Variants in NEBL observed in about 807,000 individuals in gnomAD.
The protein encoded by NEBL is nebulette.
Under a neutral mutation model 140.2 loss-of-function variants are expected in NEBL, and 122 were observed. That is an observed-to-expected ratio of 0.87 (90% CI 0.75 to 1.01). The LOEUF (loss-of-function observed/expected upper bound fraction) is 1.01, where lower values mean the gene tolerates loss of function less well. Ranked by LOEUF, NEBL falls within the 50% of genes least tolerant of loss-of-function variation. NEBL has a pLI of 0.00. For missense variants in NEBL, 1,365 were observed against 1,231.3 expected (o/e 1.11, Z -1.62); for synonymous variants, 436 against 398.9 (o/e 1.09, Z -1.11).
chr10:20,818,825 A>C, intron 20 of NEBL: 2 of 989,086 alleles, frequency 2.0e-6, no homozygotes, highest in Non-Finnish European at 2.4e-6. Context: ...CTGGACACGC[A>C]GTTCATGCCC....
chr10:21,271,500 AACT>A (rs1408027358), intron 1 of NEBL, among the ~76,000 whole-genome samples: 5 of 152,140 alleles, frequency 3.3e-5, no homozygotes, highest in African/African-American at 1.2e-4. Context: ...GTATACTTGA[AACT>A]ACTAAGAGAA....
At chr10:20,915,244 T>A (rs1244345176) in intron 4 of NEBL, among the ~76,000 whole-genome samples, 1 of 152,122 alleles carries the variant, frequency 6.6e-6, no homozygotes, top group Non-Finnish European at 1.5e-5. Flanking sequence ...AACCAGGCTT[T>A]GAAATTTTTT....
chr10:20,904,125 A>G (rs1847991315), intron 4 of NEBL, among the ~76,000 whole-genome samples: 1 of 152,172 alleles, frequency 6.6e-6, no homozygotes, highest in Non-Finnish European at 1.5e-5. Flanking sequence ...TCTCTCTCAA[A>G]GTATCTTCTG....
intron 11 of NEBL, among the ~76,000 whole-genome samples, chr10:20,848,816 C>T (rs536790568): frequency 7.9e-5 from 12 of 152,120 alleles, no homozygotes; most frequent in East Asian, 7.7e-4. Flanking sequence ...GAATAAGACA[C>T]AAAAAATACA....
At chr10:20,811,192 C>T (rs1414490337) in intron 24 of NEBL, among the ~76,000 whole-genome samples, 1 of 152,178 alleles carries the variant, frequency 6.6e-6, no homozygotes, top group African/African-American at 2.4e-5. Context: ...AAGTAAATAA[C>T]TTAGAGTCAT....
intron 2 of NEBL, among the ~76,000 whole-genome samples, chr10:21,053,448 T>A (rs1834868047): frequency 6.6e-6 from 1 of 152,222 alleles, no homozygotes; most frequent in South Asian, 2.1e-4. Flanking sequence ...TTCTGAAGGA[T>A]GGGAATTTCA....
At chr10:20,953,338 G>A (rs983753243) in intron 4 of NEBL, among the ~76,000 whole-genome samples, 1 of 152,102 alleles carries the variant, frequency 6.6e-6, no homozygotes, top group Non-Finnish European at 1.5e-5. Context: ...TGAGGACACT[G>A]CAAGAAGGCA....
chr10:21,061,447 G>T (rs183515191), intron 2 of NEBL, among the ~76,000 whole-genome samples: 2 of 145,924 alleles, frequency 1.4e-5, no homozygotes, highest in Non-Finnish European at 3.0e-5. Flanking sequence ...GATATATATC[G>T]TATATTACAT....
chr10:21,184,599 C>CCTGCTG (rs199729824), intron 3 of NEBL, among the ~76,000 whole-genome samples: 3 of 151,984 alleles, frequency 2.0e-5, no homozygotes, highest in Admixed American at 6.6e-5. Flanking sequence ...AACCTGATCC[C>CCTGCTG]CTGCTGCTGC....
intron 2 of NEBL, among the ~76,000 whole-genome samples, chr10:21,112,004 G>A (rs1185939515): frequency 2.0e-5 from 3 of 152,186 alleles, no homozygotes; most frequent in African/African-American, 7.2e-5. Flanking sequence ...CATCATCACT[G>A]GTGATCAGAG....
At chr10:20,814,639 C>CACACACACACACAA (rs905894451) in intron 22 of NEBL, among the ~76,000 whole-genome samples, 6 of 151,598 alleles carry the variant, frequency 4.0e-5, no homozygotes, top group African/African-American at 9.7e-5. Context: ...CACACACACA[C>CACACACACACACAA]AACTGGTTAT....
chr10:21,018,455 G>GTGTC (rs1293941991), intron 3 of NEBL, among the ~76,000 whole-genome samples: 1 of 152,164 alleles, frequency 6.6e-6, no homozygotes, highest in Non-Finnish European at 1.5e-5. Flanking sequence ...CTCCATAATA[G>GTGTC]TGTCTCTCTT....
At chr10:21,174,529 T>C (rs1841247077), upstream of NEBL, 1 of 152,322 alleles carries the variant, frequency 6.6e-6, no homozygotes, top group Non-Finnish European at 1.5e-5. Flanking sequence ...GGCACCCAAA[T>C]GTCGCGGGGA....
chr10:21,259,159 C>T (rs1412239052), intron 1 of NEBL, among the ~76,000 whole-genome samples: 1 of 151,672 alleles, frequency 6.6e-6, no homozygotes, highest in Non-Finnish European at 1.5e-5. Context: ...AGAATCTCAG[C>T]TTACTGCAAA....
chr10:20,819,469 G>C lies in NEBL; in HGVS notation c.2010C>G (p.Thr670=). 1 of 1,613,908 alleles carries C rather than the reference G, an allele frequency of 6.2e-7. No individual in the cohort carries two copies. The highest frequency in any genetic ancestry group is 8.5e-7 in the Non-Finnish European group (1 of 1,179,908). The change falls in exon 20 of 28, where the codon ACC becomes ACG. Residue 670 remains threonine, a synonymous_variant. Coordinates refer to ENST00000377122, the MANE Select transcript of NEBL (RefSeq NM_006393.3). ...QNYKATPVSM[T]PEIERVRRNQ... The stretch of plus-strand genomic sequence containing the variant: ...TTCGCCTCACTCTCTCTATCTCCGG[G>C]GTCATGCTTACCGGAGTGGCCTTGT...
At chr10:20,968,324 G>A (rs898893660) in intron 3 of NEBL, among the ~76,000 whole-genome samples, 1 of 151,054 alleles carries the variant, frequency 6.6e-6, no homozygotes, top group African/African-American at 2.4e-5. Flanking sequence ...AGGCAACATA[G>A]CAAGGCCCCA....
At chr10:21,169,067 A>AAAAAAT (rs1554830679) in intron 2 of NEBL, among the ~76,000 whole-genome samples, 13 of 23,072 alleles carry the variant, frequency 5.6e-4, no homozygotes, top group Non-Finnish European at 7.8e-4. Context: ...AAAAAAAAAA[A>AAAAAAT]ATATATATAT....
At position 20,840,830 on chromosome 10, in the gene NEBL, A is replaced by T. The variant is rs756028812; in HGVS notation, c.1247T>A (p.Leu416Ter). 2 of 1,590,640 alleles carry T rather than the reference A, an allele frequency of 1.3e-6. No homozygotes were observed. The highest frequency in any genetic ancestry group is 1.1e-5 in the South Asian group (1 of 90,466). Reference sequence around the variant, plus strand: ...TCCTTTCCCTTTTATCTCATTTTCCAAATCTTTTTTATATTCTTTCTATGA... The same window carrying T: ...TCCTTTCCCTTTTATCTCATTTTCCTAATCTTTTTTATATTCTTTCTATGA... The part of the protein sequence containing the change: ...LLREKEYKKD[L>*]ENEIKGKGME... The change falls in exon 13 of 28, where the codon TTG becomes TAG. Residue 416 changes from leucine to a stop codon, truncating the protein, a stop_gained. Coordinates refer to ENST00000377122, the MANE Select transcript of NEBL (RefSeq NM_006393.3). LOFTEE classifies it high-confidence loss of function.
At chr10:21,033,622 C>G (rs1056858349) in intron 2 of NEBL, among the ~76,000 whole-genome samples, 1 of 151,996 alleles carries the variant, frequency 6.6e-6, no homozygotes, top group Non-Finnish European at 1.5e-5. Context: ...CACCTGTAGT[C>G]CCAGCTACTC....
Sources: allele counts gnomAD v4.1 joint callset (sites outside exome capture counted in the v4.1 genomes callset), GRCh38; gene constraint gnomAD v4.1.1; transcripts MANE v1.5; gene names NCBI Gene and HGNC (gene_info 2026-07-23, HGNC 2026-07-21).